Variants in ZNF775 observed in about 807,000 individuals in gnomAD.
ZNF775 encodes zinc finger protein 775.
A neutral mutation model predicts 2.4 loss-of-function variants in ZNF775; 1 was observed. The ratio of observed to expected loss-of-function variants is 0.41; its 90% CI spans 0.15 to 1.94. The LOEUF is 1.94. Among genes scored for constraint, ZNF775 ranks in the 30% most tolerant of loss-of-function variants. The probability of loss-of-function intolerance (pLI) is 0.30; values close to 1 mark genes in which losing one functional copy is unlikely to be tolerated. For synonymous variants in ZNF775, 381 were observed against 373.3 expected (o/e 1.02, Z -0.24); for missense variants, 823 against 826.6 (o/e 1.00, Z 0.05).
chr7:150,389,635 G>A (rs1156869397), intron 2 of ZNF775, among the ~76,000 whole-genome samples: 1 of 152,220 alleles, frequency 6.6e-6, no homozygotes, highest in East Asian at 1.9e-4. Flanking sequence ...TGCTCTGGTT[G>A]ATGTGAGCTG....
At chr7:150,386,640 C>T (rs899745962) in intron 1 of ZNF775, among the ~76,000 whole-genome samples, 1 of 152,182 alleles carries the variant, frequency 6.6e-6, no homozygotes, top group African/African-American at 2.4e-5. Context: ...GGAAGAGCCC[C>T]TCCCTGAGGC....
chr7:150,393,787 A>G (rs185946813), intron 2 of ZNF775, among the ~76,000 whole-genome samples: 2 of 152,112 alleles, frequency 1.3e-5, no homozygotes, highest in Admixed American at 1.3e-4. Context: ...TCCTGCCTCA[A>G]CCTTCTGAGT....
intron 1 of ZNF775, among the ~76,000 whole-genome samples, chr7:150,381,677 G>A (rs1800364212): frequency 6.6e-6 from 1 of 152,130 alleles, no homozygotes; most frequent in African/African-American, 2.4e-5. Flanking sequence ...GGATCATGTG[G>A]CTAACCAGAA....
At chr7:150,396,017 C>T (rs995143992) in intron 2 of ZNF775, among the ~76,000 whole-genome samples, 1 of 152,216 alleles carries the variant, frequency 6.6e-6, no homozygotes, top group Non-Finnish European at 1.5e-5. Context: ...CACTGAGGGA[C>T]TGAGCATGCC....
At chr7:150,385,519 C>T (rs1410227151) in intron 1 of ZNF775, among the ~76,000 whole-genome samples, 5 of 55,256 alleles carry the variant, frequency 9.0e-5, no homozygotes, top group Admixed American at 6.0e-4. Context: ...TGCAATACCC[C>T]GAATGACTGC....
intron 1 of ZNF775, among the ~76,000 whole-genome samples, chr7:150,380,661 C>T (rs1264662583): frequency 6.6e-6 from 1 of 152,204 alleles, no homozygotes; most frequent in Non-Finnish European, 1.5e-5. Context: ...GTTGAGTTCT[C>T]AGTTCCCTCT....
In ZNF775 at chr7:150,397,462, C is replaced by T; in HGVS notation, c.981C>T (p.His327=). The stretch of plus-strand genomic sequence containing the variant: ...GCCAGAAGCCCAACTTGACGCGGCA[C>T]CTGCGCAACCACACAGGCGAGCGCC... The part of the protein sequence containing the change: ...RFSQKPNLTR[H]LRNHTGERPH... The change falls in exon 3 of 3, where the codon CAC becomes CAT. Residue 327 remains histidine, a synonymous_variant. Transcript: ENST00000329630. The T allele has an allele frequency of 1.3e-6, 2 of 1,593,512 alleles. No homozygotes were observed. The highest frequency in any genetic ancestry group is 8.5e-7 in the Non-Finnish European group (1 of 1,174,996).
chr7:150,386,372 A>G (rs1435121543), intron 1 of ZNF775, among the ~76,000 whole-genome samples: 1 of 152,226 alleles, frequency 6.6e-6, no homozygotes, highest in Non-Finnish European at 1.5e-5. Flanking sequence ...ATGCTCTTGA[A>G]AAAAGTGGGT....
Position 150,397,138 on chromosome 7 carries a change from C to T in ZNF775, c.657C>T (p.Gly219=), listed in dbSNP as rs1411540935. 4.7e-6 allele frequency: 7 copies of T among 1,499,520 alleles called. No homozygotes were observed. Among genetic ancestry groups the T allele is most frequent in the Non-Finnish European group, 6.2e-6 (7 of 1,133,834 alleles). 92.9% of individuals were successfully genotyped at this position (1,499,520 alleles called of 1,614,324 possible). The change falls in exon 3 of 3, where the codon GGC becomes GGT. Residue 219 remains glycine (G), a synonymous_variant. Transcript: ENST00000329630. ...HQRAHARDRQ[G]SRAGLHELIQ... ...GCGCGCACGCCCGGGACCGCCAGGG[C>T]TCCCGCGCCGGCCTGCACGAGCTGA...
Position 150,397,132 on chromosome 7 carries a change from C to G in ZNF775, c.651C>G (p.Arg217=). 29 of 1,507,412 alleles carry G rather than the reference C, an allele frequency of 1.9e-5. No individual in the cohort carries two copies. The highest frequency in any genetic ancestry group is 2.5e-5 in the Non-Finnish European group (28 of 1,137,036). The allele number at this position is 1,507,412 out of a possible 1,614,324, so 93.4% of individuals were successfully genotyped here. ...RIHQRAHARD[R]QGSRAGLHEL... ...ACCAGCGCGCGCACGCCCGGGACCG[C>G]CAGGGCTCCCGCGCCGGCCTGCACG... is the stretch of plus-strand genomic sequence containing the variant. The change falls in exon 3 of 3, where the codon CGC becomes CGG. Residue 217 remains arginine (R), a synonymous_variant. Transcript: ENST00000329630.
At position 150,398,068 on chromosome 7, in the gene ZNF775, G is replaced by T; in HGVS notation, c.1587G>T (p.Ala529=). 6.4e-7 allele frequency: 1 copy of T among 1,560,932 alleles called. No individual in the cohort carries two copies. The highest frequency in any genetic ancestry group is 8.6e-7 in the Non-Finnish European group (1 of 1,157,904). Reference sequence around the variant, plus strand: ...AGCGCGTGCACCGCGCGGCCCCTGCGTGCAGCCCCAAGGAGGAGGCGCGCT... The same window carrying T: ...AGCGCGTGCACCGCGCGGCCCCTGCTTGCAGCCCCAAGGAGGAGGCGCGCT... The part of the protein sequence containing the change: ...KHQRVHRAAP[A]CSPKEEAR The change falls in exon 3 of 3, where the codon GCG becomes GCT. Residue 529 remains alanine (A), a synonymous_variant. Transcript: ENST00000329630.
rs1800379702 is a variant in ZNF775, at chr7:150,382,358, A to G, written c.-50+2966A>G. On this transcript the variant is annotated intron_variant, in intron 1 of 2. Transcript: ENST00000329630. The surrounding 1 kb of genome is among the most constrained non-coding windows in gnomAD (Gnocchi z 4.6). ...ACTCAGGGAGCAGGTATTTCCGTTCACCTGCGCCTTCAAGAACCTGAGCTC... is the reference window on the plus strand; with the variant it reads ...ACTCAGGGAGCAGGTATTTCCGTTCGCCTGCGCCTTCAAGAACCTGAGCTC... 6.6e-6 allele frequency among the ~76,000 whole-genome samples: 1 copy of G among 151,952 alleles called. No individual in the cohort carries two copies. Among genetic ancestry groups the G allele is most frequent in the South Asian group, 2.1e-4 (1 of 4,832 alleles).
Position 150,396,663 on chromosome 7 carries a change from G to T in ZNF775, c.182G>T (p.Arg61Leu). ...CCACGCCAGACCATGGGGCGGCCTC[G>T]AGCCCTGGGGGGACAGGAGGAGTCT... ...LPPRQTMGRP[R>L]ALGGQEESGS... Residue 61 changes from arginine (R) to leucine (L), a missense_variant, in exon 3 of 3, where the codon CGA becomes CTA. Arg to Leu is a moderately radical substitution (Grantham distance 102). Transcript: ENST00000329630. The T allele has an allele frequency of 6.2e-7, 1 of 1,610,562 alleles. No individual in the cohort carries two copies.
intron 2 of ZNF775, among the ~76,000 whole-genome samples, chr7:150,393,506 T>TTA (rs1464006572): frequency 6.6e-6 from 1 of 152,144 alleles, no homozygotes; most frequent in Admixed American, 6.5e-5. Context: ...CTGGATTGGA[T>TTA]GGTAAGCCTG....
intron 1 of ZNF775, among the ~76,000 whole-genome samples, chr7:150,381,037 C>T (rs1800351021): frequency 2.0e-5 from 3 of 152,214 alleles, no homozygotes; most frequent in African/African-American, 7.2e-5. Flanking sequence ...TGTGACACCT[C>T]TTCAGAGATT....
At chr7:150,395,118 C>G (rs1800626353) in intron 2 of ZNF775, among the ~76,000 whole-genome samples, 1 of 152,170 alleles carries the variant, frequency 6.6e-6, no homozygotes, top group South Asian at 2.1e-4. Context: ...TCTTCTCAGT[C>G]TCTTTTAGTT....
In ZNF775 at chr7:150,384,126, G is replaced by A. The variant is rs776350174; in HGVS notation, c.-49-4296G>A. Among the ~76,000 whole-genome samples, 3 of 152,358 alleles carry A rather than the reference G, an allele frequency of 2.0e-5. No individual in the cohort carries two copies. The highest frequency in any genetic ancestry group is 7.2e-5 in the African/African-American group (3 of 41,588). ...CTGTGAGGCTCTTAACTGAACTGCA[G>A]CCTGACCCGGTGCGCGGAGGGCCGG... On this transcript the variant is annotated intron_variant, in intron 1 of 2. Coordinates refer to ENST00000329630, the MANE Select transcript of ZNF775 (RefSeq NM_173680.4). The surrounding 1 kb of genome is among the most constrained non-coding windows in gnomAD (Gnocchi z 4.1).
chr7:150,386,046 C>A (rs1043866072), intron 1 of ZNF775, among the ~76,000 whole-genome samples: 9 of 152,294 alleles, frequency 5.9e-5, no homozygotes, highest in Admixed American at 5.2e-4. Context: ...AACAATTTTC[C>A]TGTCTCAGCT....
At chr7:150,385,672 A>G (rs1480098019) in intron 1 of ZNF775, among the ~76,000 whole-genome samples, 1 of 152,230 alleles carries the variant, frequency 6.6e-6, no homozygotes, top group Non-Finnish European at 1.5e-5. Flanking sequence ...AGGACTGGAC[A>G]TTACCATTTG....
Sources: allele counts gnomAD v4.1 joint callset (sites outside exome capture counted in the v4.1 genomes callset), GRCh38; gene constraint gnomAD v4.1.1; non-coding constraint Gnocchi (gnomAD v3.1); transcripts MANE v1.5; gene names NCBI Gene and HGNC (gene_info 2026-07-23, HGNC 2026-07-21).